Variants in SAG observed in about 807,000 individuals in gnomAD.
SAG encodes the protein S-arrestin.
Under a neutral mutation model 55.0 loss-of-function variants are expected in SAG, and 45 were observed. The ratio of observed to expected loss-of-function variants is 0.82; its 90% CI spans 0.64 to 1.05. The LOEUF (loss-of-function observed/expected upper bound fraction) is 1.05, where lower values mean the gene tolerates loss of function less well. Among genes scored for constraint, SAG ranks in the 50% least tolerant of loss-of-function variants. The pLI is 0.00. For missense variants in SAG, 455 were observed against 512.1 expected, an observed-to-expected ratio of 0.89 and a Z score of 1.08; for synonymous variants, 189 against 197.4, an observed-to-expected ratio of 0.96 and a Z score of 0.36.
At position 233,320,755 on chromosome 2, in the gene SAG, A is replaced by C. The variant is rs1574934451; in HGVS notation, c.307A>C (p.Thr103Pro). The change falls in exon 5 of 16, where the codon ACC becomes CCC. Residue 103 changes from threonine (T) to proline (P), a missense_variant. Transcript: ENST00000409110. ...GTATCCTCCTGTGGGGGCCGCGAGCACCCCCACAAAACTGCAAGAGAGCCT... is the reference window on the plus strand; with the variant it reads ...GTATCCTCCTGTGGGGGCCGCGAGCCCCCCCACAAAACTGCAAGAGAGCCT... ...QVYPPVGAASTPTKLQESLLK... is the reference protein window; with the variant it reads ...QVYPPVGAASPPTKLQESLLK... 1 of 1,605,734 alleles carries C rather than the reference A, an allele frequency of 6.2e-7. No homozygotes were observed. The highest frequency in any genetic ancestry group is 1.3e-5 in the African/African-American group (1 of 74,640).
intron 10 of SAG, 104 bp downstream of exon 10, chr2:233,331,816 G>T (rs1260930864): frequency 1.4e-5 from 12 of 835,922 alleles, no homozygotes; most frequent in South Asian, 1.1e-4. Context: ...CAGCTAGCTC[G>T]CCAGCCTTCC....
intron 2 of SAG, among the ~76,000 whole-genome samples, chr2:233,312,910 G>T (rs1700115606): frequency 1.3e-5 from 2 of 152,182 alleles, no homozygotes; most frequent in African/African-American, 4.8e-5. Context: ...ACAATTGCCA[G>T]TTCACTTGCT....
In SAG at chr2:233,322,890, C is replaced by G; in HGVS notation, c.376-56C>G. ...CTAATTTTTACATGATTATATATTA[C>G]TTAATGGAACAGCCCCTTCTGAAAT... On this transcript the variant is annotated intron_variant, in intron 5 of 15. Coordinates refer to ENST00000409110, the MANE Select transcript of SAG (RefSeq NM_000541.5). 12 of 1,018,120 alleles carry G rather than the reference C, an allele frequency of 1.2e-5. No individual in the cohort carries two copies. The South Asian group carries it at 1.5e-4, about 13-fold the overall frequency. The allele number at this position is 1,018,120 out of a possible 1,614,324, so 63.1% of individuals were successfully genotyped here. A position where few individuals can be genotyped will look rare whatever the true frequency, so the allele number is the denominator to read the frequency against.
chr2:233,313,328 G>A (rs941809682), intron 2 of SAG, among the ~76,000 whole-genome samples: 10 of 152,170 alleles, frequency 6.6e-5, no homozygotes, highest in African/African-American at 1.9e-4. Flanking sequence ...TGGCAGAGCC[G>A]CTGTGGCCAG....
rs1211285820 is a variant in SAG at position 233,319,731 on chromosome 2, G to T, written c.182-899G>T. On this transcript the variant is annotated intron_variant, in intron 4 of 15. Coordinates refer to ENST00000409110, the MANE Select transcript of SAG (RefSeq NM_000541.5). This position sits in a 1 kb window ranked among gnomAD's most constrained non-coding sequence, Gnocchi z 4.4. The stretch of plus-strand genomic sequence containing the variant: ...AGTCCTTGACCAGAGAAGGGCGCCT[G>T]TTCTCAGGGAAAGCCACTGCACAGG... 3.0e-6 allele frequency: 3 copies of T among 985,568 alleles called. No individual in the cohort carries two copies. The highest frequency in any genetic ancestry group is 6.1e-5 in the Admixed American group (1 of 16,272). 61.1% of individuals were successfully genotyped at this position (985,568 alleles called of 1,614,324 possible).
At chr2:233,327,067 G>A in intron 6 of SAG, 54 bp from the exon 7 acceptor site, 3 of 1,419,564 alleles carry the variant, frequency 2.1e-6, no homozygotes, top group Non-Finnish European at 2.0e-6. Context: ...CTCTGGCCCG[G>A]CACCCAGGGA....
At position 233,328,566 on chromosome 2, in the gene SAG, T is replaced by C. The variant is rs375065821; in HGVS notation, c.601T>C (p.Phe201Leu). 31 of 1,613,784 alleles carry C rather than the reference T, an allele frequency of 1.9e-5. No homozygotes were observed. The African/African-American group carries it at 4.0e-4, about 21-fold the overall frequency. Residue 201 changes from phenylalanine (F) to leucine (L), a missense_variant, in exon 8 of 16, where the codon TTC becomes CTC. Phe to Leu is a conservative substitution (Grantham distance 22, BLOSUM62 0). Transcript: ENST00000409110. ...CCGAGCTGAGGCGGCCTGGCAGTTC[T>C]TCATGTCTGACAAGCCCCTGCACCT... ...QPRAEAAWQF[F>L]MSDKPLHLAV...
At chr2:233,331,839 T>C (rs1160479751) in intron 10 of SAG, 127 bp downstream of exon 10, 10 of 732,024 alleles carry the variant, frequency 1.4e-5, no homozygotes, top group Non-Finnish European at 2.0e-5. Context: ...TTCCTTCCTC[T>C]TTCTCCCTTC....
chr2:233,338,568 C>G, intron 11 of SAG, 108 bp from the exon 12 acceptor site: 2 of 971,124 alleles, frequency 2.1e-6, no homozygotes, highest in South Asian at 2.7e-5. Flanking sequence ...TCACCAGTCC[C>G]TGGAGAACCT....
intron 11 of SAG, 122 bp downstream of exon 11, chr2:233,335,221 T>G (rs1700887427): frequency 2.4e-6 from 3 of 1,270,508 alleles, no homozygotes; most frequent in Admixed American, 2.7e-5. Flanking sequence ...CTGGCGTGTG[T>G]AGTGTGGAGT....
At position 233,339,542 on chromosome 2, in the gene SAG, T is replaced by G. The variant is rs544959042; in HGVS notation, c.1022+789T>G. ...GCATTTTTCGTTAGCATAGTGTTTT[T>G]TTTTTTTTTTTTTTCACTGTGGATA... On this transcript the variant is annotated intron_variant, in intron 12 of 15. Transcript: ENST00000409110. Among the ~76,000 whole-genome samples, 842 of 151,700 alleles carry G rather than the reference T, an allele frequency of 5.6e-3. 6 individuals carry two copies. The highest frequency in any genetic ancestry group is 0.019 in the African/African-American group (785 of 41,382).
chr2:233,338,525 A>C, intron 11 of SAG, 151 bp from the exon 12 acceptor site: 1 of 676,800 alleles, frequency 1.5e-6, no homozygotes, highest in South Asian at 1.8e-5. Context: ...CCCCAAGTAC[A>C]TGAACTTCTA....
chr2:233,340,648 GTTTCTTTGGGACCAGA>G lies in SAG; in HGVS notation c.1046+185_1046+200del, dbSNP rs1175696067. 2.0e-5 allele frequency among the ~76,000 whole-genome samples: 3 copies of G among 152,030 alleles called. No individual in the cohort carries two copies. The highest frequency in any genetic ancestry group is 6.6e-5 in the Admixed American group (1 of 15,256). ...CATCACAGAACCGTGGCTCATAGGC[GTTTCTTTGGGACCAGA>G]TTTCTTTGGGACCACAGCTAGACCT... is the stretch of plus-strand genomic sequence containing the variant. On this transcript the variant is annotated intron_variant, in intron 13 of 15. Transcript: ENST00000409110. The surrounding 1 kb of genome is among the most constrained non-coding windows in gnomAD (Gnocchi z 4.2).
At chr2:233,325,136 G>A (rs1262579015) in intron 6 of SAG, among the ~76,000 whole-genome samples, 1 of 151,752 alleles carries the variant, frequency 6.6e-6, no homozygotes, top group Non-Finnish European at 1.5e-5. Flanking sequence ...CCTGGGAGGC[G>A]GAGATTGCAG....
chr2:233,320,225 CCT>C (rs1297096830), intron 4 of SAG, among the ~76,000 whole-genome samples: 1 of 152,232 alleles, frequency 6.6e-6, no homozygotes, highest in African/African-American at 2.4e-5. Context: ...GCGCTGTTTC[CCT>C]CTGCATCTTA....
At chr2:233,326,943 A>G (rs1700576887) in intron 6 of SAG, among the ~76,000 whole-genome samples, 178 bp from the exon 7 acceptor site, 1 of 152,216 alleles carries the variant, frequency 6.6e-6, no homozygotes, top group South Asian at 2.1e-4. Context: ...GCGCTACTGT[A>G]ATTGTTTCAC....
rs1701129183 is a variant in SAG at position 233,342,286 on chromosome 2, G to A, written c.1062G>A (p.Glu354=). The A allele has an allele frequency of 6.2e-7, 1 of 1,608,556 alleles. No individual in the cohort carries two copies. Among genetic ancestry groups the A allele is most frequent in the African/African-American group, 1.3e-5 (1 of 74,986 alleles). Reference sequence around the variant, plus strand: ...TTTTTTCTAGTGAAGTCGCCACTGAGGTCCCATTCCGCCTCATGCACCCTC... The same window carrying A: ...TTTTTTCTAGTGAAGTCGCCACTGAAGTCCCATTCCGCCTCATGCACCCTC... The part of the protein sequence containing the change: ...GELTSSEVAT[E]VPFRLMHPQP... Residue 354 remains glutamate (E), a synonymous_variant, in exon 14 of 16, where the codon GAG becomes GAA. Coordinates refer to ENST00000409110, the MANE Select transcript of SAG (RefSeq NM_000541.5).
chr2:233,338,774 C>A, intron 12 of SAG, 21 bp downstream of exon 12: 2 of 1,601,734 alleles, frequency 1.2e-6, no homozygotes, highest in Non-Finnish European at 1.7e-6. Flanking sequence ...CGGCACCAAC[C>A]CTCGGGCTGC....
chr2:233,321,187 C>T (rs1700370052), intron 5 of SAG, among the ~76,000 whole-genome samples: 1 of 152,182 alleles, frequency 6.6e-6, no homozygotes, highest in Non-Finnish European at 1.5e-5. Flanking sequence ...GACAGGAGAG[C>T]TTAGCGAAGT....
Sources: allele counts gnomAD v4.1 joint callset (sites outside exome capture counted in the v4.1 genomes callset), GRCh38; gene constraint gnomAD v4.1.1; non-coding constraint Gnocchi (gnomAD v3.1); transcripts MANE v1.5; gene names NCBI Gene and HGNC (gene_info 2026-07-23, HGNC 2026-07-21).